NCOA6: variants seen among roughly 807,000 people sequenced by gnomAD.
NCOA6 encodes NRC RAP250.
Under a neutral mutation model 171.4 loss-of-function variants are expected in NCOA6, and 49 were observed. That is an observed-to-expected ratio of 0.29 (90% CI 0.23 to 0.36). The LOEUF (loss-of-function observed/expected upper bound fraction) is 0.36. NCOA6 is among the 10% of genes least tolerant of loss of function. The pLI, the probability that NCOA6 is intolerant of heterozygous loss-of-function variation, is 1.00. For missense variants in NCOA6, 2,248 were observed against 2,554.5 expected (o/e 0.88, Z 2.59); for synonymous variants, 910 against 927.5 (o/e 0.98, Z 0.34).
intron 13 of NCOA6, 152 bp from the exon 14 acceptor site, chr20:34,727,559 C>T: frequency 1.4e-6 from 1 of 712,972 alleles, no homozygotes; most frequent in South Asian, 2.0e-5. Context: ...GTAATAAGCA[C>T]TATTGCCTTC....
chr20:34,738,074 T>C (rs2076010067), intron 11 of NCOA6, among the ~76,000 whole-genome samples: 2 of 152,074 alleles, frequency 1.3e-5, no homozygotes, highest in African/African-American at 4.8e-5. Context: ...AATTTTTACA[T>C]ATTTTTTTTG....
intron 12 of NCOA6, among the ~76,000 whole-genome samples, chr20:34,733,810 C>T (rs544707885): frequency 3.1e-5 from 4 of 127,724 alleles, no homozygotes; most frequent in African/African-American, 1.2e-4. Flanking sequence ...CGAGATCATG[C>T]CACTGCACTC....
intron 11 of NCOA6, chr20:34,738,889 C>T (rs1477543168): frequency 2.2e-6 from 1 of 455,922 alleles, no homozygotes; most frequent in Non-Finnish European, 4.4e-6. Context: ...TGCCTCTCCT[C>T]CTGGGTGCTT....
chr20:34,791,499 A>T (rs1322116940), intron 2 of NCOA6, among the ~76,000 whole-genome samples: 1 of 152,138 alleles, frequency 6.6e-6, no homozygotes, highest in African/African-American at 2.4e-5. Context: ...TCTGGGAGTG[A>T]AGGACTGGTC....
chr20:34,801,830 A>T (rs1447333492), intron 1 of NCOA6, among the ~76,000 whole-genome samples: 6 of 152,104 alleles, frequency 3.9e-5, no homozygotes, highest in African/African-American at 1.4e-4. Context: ...GCATCAATGC[A>T]CTCCAGCCTC....
At chr20:34,773,615 C>A (rs1009587233) in intron 4 of NCOA6, among the ~76,000 whole-genome samples, 2 of 152,112 alleles carry the variant, frequency 1.3e-5, no homozygotes, top group Admixed American at 6.5e-5. Context: ...CCTCCACCTC[C>A]TGGGTTCAAG....
At chr20:34,810,909 A>T (rs993502727) in intron 1 of NCOA6, among the ~76,000 whole-genome samples, 27 of 152,000 alleles carry the variant, frequency 1.8e-4, no homozygotes, top group Non-Finnish European at 4.4e-5. Context: ...CATATGTCAA[A>T]CTATTAGTAG....
chr20:34,749,165 CT>C (rs1486722194), intron 9 of NCOA6, among the ~76,000 whole-genome samples: 1 of 152,064 alleles, frequency 6.6e-6, no homozygotes, highest in Non-Finnish European at 1.5e-5. Flanking sequence ...AAAAAGTGTC[CT>C]TATCTTTTAG....
Position 34,740,548 on chromosome 20 carries a change from G to A in NCOA6, c.5708C>T (p.Pro1903Leu). 6.2e-7 allele frequency: 1 copy of A among 1,614,124 alleles called. No homozygotes were observed. The highest frequency in any genetic ancestry group is 8.5e-7 in the Non-Finnish European group (1 of 1,180,024). The change falls in exon 11 of 15, where the codon CCC becomes CTC. Residue 1903 changes from proline (P) to leucine (L), a missense_variant. Transcript: ENST00000359003. ...GGGGAGAGCACCGCCAGGTAAGCTG[G>A]GTCCTGCTGAGGCAGTGCCCGGGCC... Reference protein sequence around the residue: ...PVGPGTASAGPSLPGGALPTS... With the variant: ...PVGPGTASAGLSLPGGALPTS...
chr20:34,805,854 A>G (rs770735193), intron 1 of NCOA6, among the ~76,000 whole-genome samples: 1 of 151,724 alleles, frequency 6.6e-6, no homozygotes, highest in Non-Finnish European at 1.5e-5. Context: ...TACCCAGCTA[A>G]TTTTTGTATT....
Position 34,727,338 on chromosome 20 carries a change from T to TG in NCOA6, c.6068dup (p.Thr2024AsnfsTer5). 1 of 1,614,196 alleles carries TG rather than the reference T, an allele frequency of 6.2e-7. No individual in the cohort carries two copies. Among genetic ancestry groups the TG allele is most frequent in the Non-Finnish European group, 8.5e-7 (1 of 1,180,046 alleles). ...TTTCCACACTTTCAGAGGCCACAGT[T>TG]GGCTCTTCAGTTCGGGAGTTTCTTC... On this transcript the variant is annotated frameshift_variant, in exon 14 of 15. Transcript: ENST00000359003. LOFTEE classifies it high-confidence loss of function.
At chr20:34,790,077 A>AG (rs2077822428) in intron 2 of NCOA6, among the ~76,000 whole-genome samples, 1 of 147,238 alleles carries the variant, frequency 6.8e-6, no homozygotes, top group South Asian at 2.1e-4. Flanking sequence ...CTACTATTAA[A>AG]AAAAAAAAAA....
intron 1 of NCOA6, among the ~76,000 whole-genome samples, chr20:34,805,243 A>G (rs2078409147): frequency 6.6e-6 from 1 of 152,034 alleles, no homozygotes. Context: ...AGGTTTTGCC[A>G]TATTGCCCAG....
intron 1 of NCOA6, among the ~76,000 whole-genome samples, chr20:34,804,537 TTC>T (rs1303039696): frequency 1.3e-5 from 2 of 150,992 alleles, no homozygotes; most frequent in Non-Finnish European, 2.9e-5. Context: ...CATCAAAATA[TTC>T]TGTTGATGGT....
At chr20:34,774,754 CT>C (rs2077255836) in intron 4 of NCOA6, among the ~76,000 whole-genome samples, 1 of 152,178 alleles carries the variant, frequency 6.6e-6, no homozygotes, top group African/African-American at 2.4e-5. Flanking sequence ...ATGGTAGGTA[CT>C]TACATCTCTC....
At chr20:34,795,530 C>A (rs142564752) in intron 1 of NCOA6, among the ~76,000 whole-genome samples, 473 of 152,280 alleles carry the variant, frequency 3.1e-3, no homozygotes, top group African/African-American at 0.011. Context: ...AAAACGTAAT[C>A]TGACAGAACT....
chr20:34,723,646 C>T (rs1335816840), intron 14 of NCOA6, among the ~76,000 whole-genome samples: 1 of 152,190 alleles, frequency 6.6e-6, no homozygotes, highest in Non-Finnish European at 1.5e-5. Context: ...TTTCCAACAT[C>T]ACCACTGCCA....
intron 1 of NCOA6, among the ~76,000 whole-genome samples, chr20:34,811,234 T>TATATATACATATATAC: frequency 8.3e-6 from 1 of 119,960 alleles, no homozygotes; most frequent in Non-Finnish European, 1.8e-5. Flanking sequence ...TATATATATA[T>TATATATACATATATAC]ATGCTTTCAA....
At chr20:34,809,034 G>A (rs1480428196) in intron 1 of NCOA6, among the ~76,000 whole-genome samples, 2 of 152,128 alleles carry the variant, frequency 1.3e-5, no homozygotes, top group Non-Finnish European at 2.9e-5. Flanking sequence ...ATTTCCCCCT[G>A]CAAAGTTATG....
Sources: gnomAD v4.1 joint callset for allele counts (sites outside exome capture counted in the v4.1 genomes callset) on GRCh38, gnomAD v4.1.1 for gene constraint, MANE v1.5 for transcripts, NCBI Gene and HGNC (gene_info 2026-07-23, HGNC 2026-07-21) for gene names.